The following KIF19 variants were observed in gnomAD, a reference collection of about 807,000 sequenced individuals.
KIF19 encodes kinesin-like protein KIF19.
KIF19 carries 98 observed loss-of-function variants against 106.6 expected under a neutral mutation model. The ratio of observed to expected loss-of-function variants is 0.92; its 90% CI spans 0.78 to 1.09. KIF19 has a LOEUF of 1.09. Among genes scored for constraint, KIF19 ranks in the 50% least tolerant of loss-of-function variants. The probability of loss-of-function intolerance (pLI) is 0.00; values close to 1 mark genes in which losing one functional copy is unlikely to be tolerated. For synonymous variants in KIF19, 516 were observed against 584.2 expected (o/e 0.88, Z 1.68); for missense variants, 1,373 against 1,414.3 (o/e 0.97, Z 0.47).
At chr17:74,327,477 GT>G (rs892391147) in intron 1 of KIF19, among the ~76,000 whole-genome samples, 1 of 152,124 alleles carries the variant, frequency 6.6e-6, no homozygotes, top group African/African-American at 2.4e-5. Flanking sequence ...CTTTTGTTTT[GT>G]TTTGTTTTGT....
Position 74,336,322 on chromosome 17 carries a change from G to A in KIF19, c.121-5554G>A, listed in dbSNP as rs917911138. 5.9e-5 allele frequency among the ~76,000 whole-genome samples: 9 copies of A among 152,286 alleles called. 1 individual carries two copies. In the South Asian group the frequency reaches 1.7e-3, roughly 28 times the overall value. ...GACCTCAGGTGATCGACCTCCCAAA[G>A]TTCTGGGATTACAGGCGTGAGCCAC... On this transcript the variant is annotated intron_variant, in intron 2 of 19. Coordinates refer to ENST00000389916, the MANE Select transcript of KIF19 (RefSeq NM_153209.4).
At position 74,350,454 on chromosome 17, in the gene KIF19, C is replaced by T. The variant is rs777612074; in HGVS notation, c.1267C>T (p.Arg423Trp). The T allele has an allele frequency of 6.8e-6, 11 of 1,609,494 alleles. No individual in the cohort carries two copies. The highest frequency in any genetic ancestry group is 4.5e-5 in the East Asian group (2 of 44,744). Reference protein sequence around the residue: ...QGEKAGMGQLREQLASAFQEQ... With the variant: ...QGEKAGMGQLWEQLASAFQEQ... Reference sequence around the variant, plus strand: ...TGAGAAGGCTGGCATGGGACAGCTTCGGGAGCAGCTCGCCAGCGCCTTCCA... The same window carrying T: ...TGAGAAGGCTGGCATGGGACAGCTTTGGGAGCAGCTCGCCAGCGCCTTCCA... The change falls in exon 11 of 20, where the codon CGG becomes TGG. Residue 423 changes from arginine to tryptophan, a missense_variant. This residue lies in a region of KIF19 where 1,020 missense variants were observed against 1,008.2 expected (regional missense o/e 1.01). Transcript: ENST00000389916.
chr17:74,348,243 A>T (rs149346533), intron 9 of KIF19, among the ~76,000 whole-genome samples: 3 of 152,210 alleles, frequency 2.0e-5, no homozygotes, highest in Non-Finnish European at 4.4e-5. Context: ...GGCAAGCTTC[A>T]TTGAGCACTT....
At position 74,350,497 on chromosome 17, in the gene KIF19, G is replaced by A. The variant is rs766796231; in HGVS notation, c.1310G>A (p.Arg437Gln). 27 of 1,612,312 alleles carry A rather than the reference G, an allele frequency of 1.7e-5. No homozygotes were observed. Among genetic ancestry groups the A allele is most frequent in the East Asian group, 1.1e-4 (5 of 44,876 alleles). The change falls in exon 11 of 20, where the codon CGG becomes CAG. Residue 437 changes from arginine to glutamine, a missense_variant. This residue lies in a region of KIF19 where 1,020 missense variants were observed against 1,008.2 expected (regional missense o/e 1.01). Transcript: ENST00000389916. ...ASAFQEQMDV[R>Q]RRLLELENRA... ...GCCTTCCAGGAGCAGATGGATGTGC[G>A]GAGGCGCCTGCTGGAGCTGGAGAAC...
intron 2 of KIF19, among the ~76,000 whole-genome samples, chr17:74,337,004 T>C (rs1483868700): frequency 6.6e-6 from 1 of 152,076 alleles, no homozygotes; most frequent in Non-Finnish European, 1.5e-5. Flanking sequence ...TTTTGTATTT[T>C]TAGTATTTTA....
At chr17:74,351,018 G>T in intron 12 of KIF19, 113 bp downstream of exon 12, 2 of 1,044,794 alleles carry the variant, frequency 1.9e-6, no homozygotes, top group Non-Finnish European at 2.9e-6. Context: ...TGGGAACTCA[G>T]GCCACAAATC....
chr17:74,343,171 C>T lies in KIF19; in HGVS notation c.456+11C>T, dbSNP rs560678311. 34 of 1,611,140 alleles carry T rather than the reference C, an allele frequency of 2.1e-5. No individual in the cohort carries two copies. In the Admixed American group the frequency reaches 4.0e-4, roughly 19 times the overall value. ...ATGTCCTACCTGGAGGTGAGTCCCCCAGCCTAGGCTCAGATGGGGCTGGCC... is the reference window on the plus strand; with the variant it reads ...ATGTCCTACCTGGAGGTGAGTCCCCTAGCCTAGGCTCAGATGGGGCTGGCC... On this transcript the variant is annotated intron_variant, in intron 5 of 19. Coordinates refer to ENST00000389916, the MANE Select transcript of KIF19 (RefSeq NM_153209.4).
rs148205679 is a variant in KIF19 at position 74,331,345 on chromosome 17, G to A, written c.120+2840G>A. On this transcript the variant is annotated intron_variant, in intron 2 of 19. Transcript: ENST00000389916. The surrounding 1 kb of genome is among the most constrained non-coding windows in gnomAD (Gnocchi z 4.1). Reference sequence around the variant, plus strand: ...TTGGGAGCTGAGCCAGGACATGTTCGTCCTGAGTGGGGAGAGGTGGACCGG... The same window carrying A: ...TTGGGAGCTGAGCCAGGACATGTTCATCCTGAGTGGGGAGAGGTGGACCGG... Among the ~76,000 whole-genome samples, 2,198 of 151,102 alleles carry A rather than the reference G, an allele frequency of 0.015. 39 individuals carry two copies. The highest frequency in any genetic ancestry group is 0.041 in the African/African-American group (1,670 of 41,114).
chr17:74,353,408 T>C (rs2054776707), intron 16 of KIF19, 86 bp from the exon 17 acceptor site: 1 of 1,462,514 alleles, frequency 6.8e-7, no homozygotes, highest in African/African-American at 1.4e-5. Context: ...CGGCACCAGC[T>C]TGAGGCCCCG....
chr17:74,346,311 G>A lies in KIF19; in HGVS notation c.778-67G>A. ...GATCACCAGGTCATTCATTGGTGGGGTGGCTGGGGAGAAACCCAGTCCCCT... is the reference window on the plus strand; with the variant it reads ...GATCACCAGGTCATTCATTGGTGGGATGGCTGGGGAGAAACCCAGTCCCCT... On this transcript the variant is annotated intron_variant, in intron 7 of 19. Transcript: ENST00000389916. This position sits in a 1 kb window ranked among gnomAD's most constrained non-coding sequence, Gnocchi z 4.6. The A allele has an allele frequency of 6.7e-7, 1 of 1,500,180 alleles. No individual in the cohort carries two copies. 92.9% of individuals were successfully genotyped at this position (1,500,180 alleles called of 1,614,324 possible). A position where few individuals can be genotyped will look rare whatever the true frequency, so the allele number is the denominator to read the frequency against.
rs1451122768 is a variant in KIF19 at position 74,326,280 on chromosome 17, C to G, written c.-70C>G. 4 of 1,469,110 alleles carry G rather than the reference C, an allele frequency of 2.7e-6. No homozygotes were observed. Among genetic ancestry groups the G allele is most frequent in the Non-Finnish European group, 3.7e-6 (4 of 1,087,064 alleles). The allele number at this position is 1,469,110 out of a possible 1,614,324, so 91.0% of individuals were successfully genotyped here. A position where few individuals can be genotyped will look rare whatever the true frequency, so the allele number is the denominator to read the frequency against. ...GCAGCTAGCAGCTGGCGGACGCGACCCGGAGGCGGTGGGGGTGCGGCTGAG... is the reference window on the plus strand; with the variant it reads ...GCAGCTAGCAGCTGGCGGACGCGACGCGGAGGCGGTGGGGGTGCGGCTGAG... On this transcript the variant is annotated 5_prime_UTR_variant, in exon 1 of 20. Transcript: ENST00000389916.
intron 2 of KIF19, among the ~76,000 whole-genome samples, chr17:74,332,179 A>AGTGTGTGTGTGTGT (rs1270595840): frequency 3.2e-4 from 38 of 117,760 alleles, no homozygotes; most frequent in South Asian, 1.2e-3. Context: ...TGAACACCTC[A>AGTGTGTGTGTGTGT]GTGTGTGTGT....
chr17:74,345,174 G>A (rs76028998), intron 7 of KIF19, among the ~76,000 whole-genome samples: 2,530 of 152,190 alleles, frequency 0.017, 72 homozygotes, highest in African/African-American at 0.057. Flanking sequence ...CCGGGTTAAG[G>A]AAGTGAGGAA....
chr17:74,344,430 G>A, intron 6 of KIF19, 82 bp downstream of exon 6: 1 of 1,544,608 alleles, frequency 6.5e-7, no homozygotes, highest in Non-Finnish European at 8.7e-7. Flanking sequence ...CAGAAGCCAG[G>A]GAGCTGCTCC....
chr17:74,351,934 GGCGCATCGGCTCCGAGGAGCAGC>G lies in KIF19; in HGVS notation c.1659_1681del (p.Ile554GlyfsTer118), dbSNP rs758601036. The G allele has an allele frequency of 4.1e-6, 6 of 1,453,066 alleles. No homozygotes were observed. In the Admixed American group the frequency reaches 1.6e-4, roughly 39 times the overall value. 90.0% of individuals were successfully genotyped at this position (1,453,066 alleles called of 1,614,324 possible). On this transcript the variant is annotated frameshift_variant, in exon 13 of 20. Coordinates refer to ENST00000389916, the MANE Select transcript of KIF19 (RefSeq NM_153209.4). LOFTEE classifies it high-confidence loss of function. ...CGGCGCCTGGAGGAGACGCTGCCGC[GGCGCATCGGCTCCGAGGAGCAGC>G]GCGAGGTGCTCAGCCTGCTGTGCCG...
chr17:74,349,294 T>C lies in KIF19; in HGVS notation c.1158T>C (p.Thr386=). The change falls in exon 10 of 20, where the codon ACT becomes ACC. Residue 386 remains threonine (T), a synonymous_variant. Transcript: ENST00000389916. ...QRLKRKIDEQ[T]GRGQARGRQD... ...TCAAGCGCAAGATTGATGAGCAGAC[T>C]GGGCGGGGCCAGGCCCGGGGCCGGC... The C allele has an allele frequency of 6.2e-7, 1 of 1,612,542 alleles. No homozygotes were observed. The highest frequency in any genetic ancestry group is 8.5e-7 in the Non-Finnish European group (1 of 1,179,456).
At chr17:74,345,597 G>A (rs548813772) in intron 7 of KIF19, among the ~76,000 whole-genome samples, 52 of 151,606 alleles carry the variant, frequency 3.4e-4, no homozygotes, top group African/African-American at 1.2e-3. Context: ...GCTCCCTCGT[G>A]CAGGCAATCT....
Position 74,355,163 on chromosome 17 carries a change from G to T in KIF19, c.2867-19G>T, listed in dbSNP as rs533587227. 6.3e-7 allele frequency: 1 copy of T among 1,579,658 alleles called. No individual in the cohort carries two copies. The highest frequency in any genetic ancestry group is 1.3e-5 in the African/African-American group (1 of 74,286). On this transcript the variant is annotated intron_variant, in intron 19 of 19. Coordinates refer to ENST00000389916, the MANE Select transcript of KIF19 (RefSeq NM_153209.4). ...GAGGCATTCCGAAACCACTGATCCT[G>T]CCCCTTTCCCTGTTGCAGGCCCGGG...
At chr17:74,326,428 G>C (rs1471935083) in intron 1 of KIF19, 40 bp downstream of exon 1, 3 of 1,600,716 alleles carry the variant, frequency 1.9e-6, no homozygotes, top group East Asian at 4.5e-5. Flanking sequence ...CCCGCTCCGT[G>C]GTCTACTTCA....
Sources: allele counts gnomAD v4.1 joint callset (sites outside exome capture counted in the v4.1 genomes callset), GRCh38; gene constraint gnomAD v4.1.1; regional missense constraint gnomAD v4.1.1; non-coding constraint Gnocchi (gnomAD v3.1); transcripts MANE v1.5; gene names NCBI Gene and HGNC (gene_info 2026-07-23, HGNC 2026-07-21).